CIITA: variants seen among roughly 807,000 people sequenced by gnomAD.
The protein encoded by CIITA is MHC class II transactivator.
CIITA carries 72 observed loss-of-function variants against 115.1 expected under a neutral mutation model. That is an observed-to-expected ratio of 0.63 (90% confidence interval 0.52 to 0.76). The LOEUF (loss-of-function observed/expected upper bound fraction) is 0.76. Among genes scored for constraint, CIITA ranks in the 30% least tolerant of loss-of-function variants. CIITA has a pLI of 0.00. For missense variants in CIITA, 1,617 were observed against 1,463.8 expected (o/e 1.10, Z -1.71); for synonymous variants, 763 against 635.6 (o/e 1.20, Z -3.02).
Position 10,942,664 on chromosome 16 carries a change from C to G in CIITA, n.1790C>G, listed in dbSNP as rs2041126615. 6.6e-6 allele frequency: 1 copy of G among 152,294 alleles called. No homozygotes were observed. Among genetic ancestry groups the G allele is most frequent in the Non-Finnish European group, 1.5e-5 (1 of 68,070 alleles). The allele number at this position is 152,294 out of a possible 1,614,324, so 9.4% of individuals were successfully genotyped here. A position where few individuals can be genotyped will look rare whatever the true frequency, so the allele number is the denominator to read the frequency against. On this transcript the variant is annotated non_coding_transcript_exon_variant, in exon 2 of 2. Coordinates refer to the CIITA transcript ENST00000573379. The surrounding 1 kb of genome is among the most constrained non-coding windows in gnomAD (Gnocchi z 5.0). ...GCCCTCAGATCTCAAATCGAATTCGCTCTGCGTATCGAATAGGGGGAGGTA... is the reference window on the plus strand; with the variant it reads ...GCCCTCAGATCTCAAATCGAATTCGGTCTGCGTATCGAATAGGGGGAGGTA...
At position 10,883,493 on chromosome 16, in the gene CIITA, C is replaced by G. The variant is rs566933210; in HGVS notation, c.52+6111C>G. 1.8e-3 allele frequency among the ~76,000 whole-genome samples: 269 copies of G among 152,292 alleles called. 2 individuals are homozygous for G. The highest frequency in any genetic ancestry group is 4.2e-3 in the Admixed American group (64 of 15,292). On this transcript the variant is annotated intron_variant, in intron 1 of 19. Coordinates refer to ENST00000324288, the MANE Select transcript of CIITA (RefSeq NM_000246.4). ...TACCCTTTACTGGCAAATGCACAAGCTGGAGATGATGGCCCATTCGAGTTT... is the reference window on the plus strand; with the variant it reads ...TACCCTTTACTGGCAAATGCACAAGGTGGAGATGATGGCCCATTCGAGTTT...
intron 1 of CIITA, among the ~76,000 whole-genome samples, chr16:10,869,033 G>C (rs980748086): frequency 6.6e-6 from 1 of 152,236 alleles, no homozygotes; most frequent in Non-Finnish European, 1.5e-5. Context: ...TGCATGGTTT[G>C]TAAACAAAGG....
rs895900848 is a variant in CIITA at position 10,935,803 on chromosome 16, G to T, written c.*11948G>T. 1 of 152,134 alleles carries T rather than the reference G, an allele frequency of 6.6e-6. No homozygotes were observed. Among genetic ancestry groups the T allele is most frequent in the Non-Finnish European group, 1.5e-5 (1 of 68,044 alleles). 9.4% of individuals were successfully genotyped at this position (152,134 alleles called of 1,614,324 possible). On this transcript the variant is annotated 3_prime_UTR_variant, in exon 20 of 20. Coordinates refer to ENST00000324288, the MANE Select transcript of CIITA (RefSeq NM_000246.4). The stretch of plus-strand genomic sequence containing the variant: ...TATAACCATCAGACAAACCCAAATT[G>T]AGAGACAGTTTACAAAACACCAGCC...
chr16:10,918,559 G>A (rs1239945817), intron 16 of CIITA, 33 bp downstream of exon 16: 2 of 1,593,946 alleles, frequency 1.3e-6, no homozygotes, highest in African/African-American at 2.7e-5. Context: ...GTCAGGTGCT[G>A]AGCTGGGGGG....
chr16:10,893,112 G>C (rs1000129743), intron 1 of CIITA, among the ~76,000 whole-genome samples: 10 of 152,124 alleles, frequency 6.6e-5, no homozygotes, highest in African/African-American at 2.4e-4. Context: ...ACAAGTCAAG[G>C]ATCACCAGTA....
At chr16:10,867,682 C>A (rs955318245) in intron 1 of CIITA, among the ~76,000 whole-genome samples, 1 of 152,204 alleles carries the variant, frequency 6.6e-6, no homozygotes, top group Non-Finnish European at 1.5e-5. Flanking sequence ...TCTTTCCACT[C>A]ACATCCTTGG....
upstream of CIITA, among the ~76,000 whole-genome samples, chr16:10,876,963 C>A (rs1465070416): frequency 6.6e-6 from 1 of 152,140 alleles, no homozygotes; most frequent in Non-Finnish European, 1.5e-5. Context: ...GTTGAAGGTT[C>A]CCCCAACAGA....
intron 5 of CIITA, among the ~76,000 whole-genome samples, chr16:10,900,029 T>C (rs1282060441): frequency 3.9e-5 from 6 of 152,054 alleles, no homozygotes; most frequent in African/African-American, 7.2e-5. Context: ...TGCAGTGAGC[T>C]AAGATCACGC....
At chr16:10,909,297 C>A in intron 12 of CIITA, 110 bp downstream of exon 12, 2 of 1,138,288 alleles carry the variant, frequency 1.8e-6, no homozygotes, top group Non-Finnish European at 2.6e-6. Flanking sequence ...TCCTCTGGGA[C>A]ACCCCATGCC....
rs369813250 is a variant in CIITA at position 10,927,874 on chromosome 16, A to G, written c.*4019A>G. ...TGTGCCGGAAGTGCCCCTGAACCCC[A>G]TTTGTCAGGTGGTAAAGCGCTGCTC... On this transcript the variant is annotated 3_prime_UTR_variant, in exon 20 of 20. Coordinates refer to ENST00000324288, the MANE Select transcript of CIITA (RefSeq NM_000246.4). 1 of 152,170 alleles carries G rather than the reference A, an allele frequency of 6.6e-6. No individual in the cohort carries two copies. The highest frequency in any genetic ancestry group is 2.4e-5 in the African/African-American group (1 of 41,414). 9.4% of individuals were successfully genotyped at this position (152,170 alleles called of 1,614,324 possible). A position where few individuals can be genotyped will look rare whatever the true frequency, so the allele number is the denominator to read the frequency against.
At chr16:10,918,259 A>T (rs1427535078) in intron 15 of CIITA, among the ~76,000 whole-genome samples, 181 bp from the exon 16 acceptor site, 1 of 152,072 alleles carries the variant, frequency 6.6e-6, no homozygotes, top group African/African-American at 2.4e-5. Flanking sequence ...CCTCCCATCC[A>T]CCTCCTCATC....
At position 10,929,592 on chromosome 16, in the gene CIITA, CG is replaced by C. The variant is rs2040689266; in HGVS notation, c.*5739del. The C allele has an allele frequency of 5.1e-6, 5 of 983,596 alleles. No individual in the cohort carries two copies. Among genetic ancestry groups the C allele is most frequent in the Non-Finnish European group, 6.0e-6 (5 of 828,318 alleles). 60.9% of individuals were successfully genotyped at this position (983,596 alleles called of 1,614,324 possible). A position where few individuals can be genotyped will look rare whatever the true frequency, so the allele number is the denominator to read the frequency against. On this transcript the variant is annotated 3_prime_UTR_variant, in exon 20 of 20. Transcript: ENST00000324288. The surrounding 1 kb of genome is among the most constrained non-coding windows in gnomAD (Gnocchi z 4.3). ...GAAGGAAAAAGGGGGGTTATTAGCACGGAAGCCCCACCCTGCCACCAGGTTG... is the reference window on the plus strand; with the variant it reads ...GAAGGAAAAAGGGGGGTTATTAGCACGAAGCCCCACCCTGCCACCAGGTTG...
intron 12 of CIITA, 29 bp from the exon 13 acceptor site, chr16:10,910,159 C>G (rs773938968): frequency 6.2e-7 from 1 of 1,601,880 alleles, no homozygotes; most frequent in South Asian, 1.1e-5. Context: ...GCAGTGCCTG[C>G]TCCCCCTAAC....
In CIITA at chr16:10,907,940, C is replaced by G. The variant is rs112250421; in HGVS notation, c.2448C>G (p.Ala816=). Residue 816 remains alanine, a synonymous_variant, in exon 11 of 20, where the codon GCC becomes GCG. Transcript: ENST00000324288. This position sits in a 1 kb window ranked among gnomAD's most constrained non-coding sequence, Gnocchi z 5.0. ...LLELLHCAHE[A]EEAGIWQHVV... ...AGCTGCTGCACTGCGCCCACGAGGC[C>G]GAGGAGGCTGGAATTTGGCAGCACG... 7 of 1,562,956 alleles carry G rather than the reference C, an allele frequency of 4.5e-6. No individual in the cohort carries two copies. Among genetic ancestry groups the G allele is most frequent in the Non-Finnish European group, 6.1e-6 (7 of 1,156,052 alleles).
At chr16:10,890,669 G>T (rs1030461475) in intron 1 of CIITA, among the ~76,000 whole-genome samples, 3 of 152,160 alleles carry the variant, frequency 2.0e-5, no homozygotes, top group African/African-American at 7.2e-5. Context: ...CACAAAGTTT[G>T]ACCTCGGAAG....
At chr16:10,940,650 C>T (rs575713855), downstream of CIITA, 1 of 152,374 alleles carries the variant, frequency 6.6e-6, no homozygotes, top group African/African-American at 2.4e-5. The surrounding 1 kb of genome is among the most constrained non-coding windows in gnomAD (Gnocchi z 4.2). Context: ...CACGTGTTCT[C>T]TCTAATTGAG....
chr16:10,909,838 G>A (rs777609301), intron 12 of CIITA, among the ~76,000 whole-genome samples: 2 of 152,058 alleles, frequency 1.3e-5, no homozygotes, highest in Non-Finnish European at 2.9e-5. Flanking sequence ...GAGCTCAAGC[G>A]ATCCTCCTGC....
At chr16:10,898,862 A>T (rs1402422496) in intron 4 of CIITA, 63 bp from the exon 5 acceptor site, 1 of 1,597,486 alleles carries the variant, frequency 6.3e-7, no homozygotes, top group Non-Finnish European at 8.6e-7. Context: ...GGTGGGTACA[A>T]TAGAGACTCA....
intron 1 of CIITA, among the ~76,000 whole-genome samples, chr16:10,885,568 G>A (rs190785285): frequency 6.6e-5 from 10 of 152,212 alleles, no homozygotes; most frequent in East Asian, 1.9e-4. Flanking sequence ...TCTCTGTCTC[G>A]TTCTCCTGGG....
Sources: gnomAD v4.1 joint callset for allele counts (sites outside exome capture counted in the v4.1 genomes callset) on GRCh38, gnomAD v4.1.1 for gene constraint, Gnocchi (gnomAD v3.1) non-coding constraint, MANE v1.5 for transcripts, NCBI Gene and HGNC (gene_info 2026-07-23, HGNC 2026-07-21) for gene names.